Variants in GAS5 observed in about 807,000 individuals in gnomAD.
GAS5 encodes growth arrest specific 5 (non-protein coding).
chr1:173,867,210 C>A, upstream of GAS5: 2 of 544,310 alleles, frequency 3.7e-6, no homozygotes, highest in Non-Finnish European at 6.5e-6. Flanking sequence ...AGAAGCACTG[C>A]ACCCGCAGTT....
chr1:173,867,074 T>G (rs552701795), upstream of GAS5: 16 of 676,868 alleles, frequency 2.4e-5, no homozygotes, highest in African/African-American at 3.6e-5. Flanking sequence ...TTTTAATTCA[T>G]TGTTCCACGG....
upstream of GAS5, chr1:173,867,989 G>C (rs552155993): frequency 1.5e-5 from 5 of 326,620 alleles, no homozygotes; most frequent in Non-Finnish European, 3.1e-5. Context: ...ACCTCGAAAA[G>C]ACAGTATGGT....
chr1:173,864,296 T>C (rs1572007818), exon 7 of GAS5: 3 of 513,236 alleles, frequency 5.8e-6, no homozygotes, highest in Middle Eastern at 3.2e-4. Flanking sequence ...GTTGTGGTCA[T>C]TAAAAACCCT....
chr1:173,865,131 A>T, intron 6 of GAS5: 1 of 340,850 alleles, frequency 2.9e-6, no homozygotes, highest in East Asian at 7.8e-5. Flanking sequence ...CCTGGGAGGC[A>T]GAGGTTGCAG....
At position 173,864,751 on chromosome 1, in the gene GAS5, G is replaced by A. The variant is rs145068336; in HGVS notation, n.277-447C>T. 133 of 511,008 alleles carry A rather than the reference G, an allele frequency of 2.6e-4. 1 individual carries two copies. The highest frequency in any genetic ancestry group is 2.2e-3 in the African/African-American group (116 of 51,856). 31.7% of individuals were successfully genotyped at this position (511,008 alleles called of 1,614,324 possible). A position where few individuals can be genotyped will look rare whatever the true frequency, so the allele number is the denominator to read the frequency against. ...CAGTAAGACAACTTGCATACAATTA[G>A]GAGTAATCCAAAATCTCCAAACATT... On this transcript the variant is annotated intron_variant and non_coding_transcript_variant, in intron 6 of 7. Coordinates refer to ENST00000651080, the Ensembl canonical transcript of GAS5.
chr1:173,864,621 A>T (rs1654271667), intron 6 of GAS5: 1 of 380,414 alleles, frequency 2.6e-6, no homozygotes, highest in Non-Finnish European at 5.1e-6. Flanking sequence ...TAAGGTGTAT[A>T]TGCCACCAAA....
At chr1:173,866,499 G>A in intron 3 of GAS5, 1 of 671,314 alleles carries the variant, frequency 1.5e-6, no homozygotes, top group Non-Finnish European at 2.8e-6. Context: ...TCCCTTAAAA[G>A]TGAGAAGTAC....
At chr1:173,866,771 A>G (rs992724254) in exon 2 of GAS5, 2 of 765,280 alleles carry the variant, frequency 2.6e-6, no homozygotes, top group African/African-American at 1.7e-5. Context: ...TTCAGTAGCT[A>G]TTCTCATCCT....
upstream of GAS5, chr1:173,867,589 C>T (rs1357886951): frequency 1.9e-6 from 1 of 513,506 alleles, no homozygotes; most frequent in Non-Finnish European, 3.9e-6. Context: ...GGACTACCAC[C>T]GACAGCCTTT....
At position 173,866,473 on chromosome 1, in the gene GAS5, T is replaced by C. The variant is rs900276386; in HGVS notation, n.131+55A>G. 17 of 642,136 alleles carry C rather than the reference T, an allele frequency of 2.6e-5. 1 individual carries two copies. The Admixed American group carries it at 2.8e-4, about 11-fold the overall frequency. 39.8% of individuals were successfully genotyped at this position (642,136 alleles called of 1,614,324 possible). A position where few individuals can be genotyped will look rare whatever the true frequency, so the allele number is the denominator to read the frequency against. On this transcript the variant is annotated intron_variant and non_coding_transcript_variant, in intron 3 of 7. Transcript: ENST00000651080. ...CACTAACATAGATAATCATCATTGC[T>C]TTGGCTATTTTCTAATCCCTTAAAA...
intron 4 of GAS5, chr1:173,865,953 C>CG (rs1326989267): frequency 1.9e-6 from 1 of 519,194 alleles, no homozygotes. Flanking sequence ...CCTGCCAAAA[C>CG]TAACAAATGC....
At chr1:173,866,603 C>T (rs1352341875) in intron 2 of GAS5, 1 of 763,282 alleles carries the variant, frequency 1.3e-6, no homozygotes, top group Non-Finnish European at 2.4e-6. Flanking sequence ...CTTAGGTGTA[C>T]TCTCTATGTT....
upstream of GAS5, chr1:173,867,965 A>T: frequency 2.9e-6 from 1 of 340,918 alleles, no homozygotes; most frequent in African/African-American, 2.1e-5. Context: ...CATACCTCAC[A>T]GGAGTCGACT....
upstream of GAS5, chr1:173,867,766 T>C (rs1202029723): frequency 5.8e-6 from 3 of 519,010 alleles, no homozygotes; most frequent in African/African-American, 3.9e-5. Context: ...CCGAGGCTTC[T>C]CCGCAGTTCT....
At chr1:173,864,889 T>C (rs750255311) in intron 6 of GAS5, 1 of 519,104 alleles carries the variant, frequency 1.9e-6, no homozygotes, top group South Asian at 1.4e-5. Context: ...TGCTGAACTA[T>C]GTTATCATCA....
intron 6 of GAS5, chr1:173,865,444 TAACG>T (rs1654426761): frequency 1.9e-6 from 1 of 513,610 alleles, no homozygotes; most frequent in African/African-American, 1.9e-5. Flanking sequence ...CTCAATCAAT[TAACG>T]TTAACATCAA....
chr1:173,866,012 GCTT>G, intron 4 of GAS5: 1 of 519,162 alleles, frequency 1.9e-6, no homozygotes, highest in Non-Finnish European at 3.8e-6. Context: ...GTCAGCATTT[GCTT>G]ATCATCATCC....
intron 2 of GAS5, chr1:173,866,706 C>T (rs1381837140): frequency 1.3e-6 from 1 of 765,432 alleles, no homozygotes; most frequent in Non-Finnish European, 2.4e-6. Flanking sequence ...AAACTGTCAT[C>T]ATTGTGGCAC....
chr1:173,867,619 T>C, upstream of GAS5: 4 of 518,260 alleles, frequency 7.7e-6, no homozygotes, highest in Non-Finnish European at 1.5e-5. Flanking sequence ...GGACGGCTGA[T>C]GGAGGCTCGG....
Sources: allele counts gnomAD v4.1 joint callset, GRCh38; gene constraint gnomAD v4.1.1; transcripts MANE v1.5; gene names NCBI Gene and HGNC (gene_info 2026-07-23, HGNC 2026-07-21).